Variants in COA7 observed in about 807,000 individuals in gnomAD.
COA7 encodes cytochrome c oxidase assembly factor 7.
COA7 carries 12 observed loss-of-function variants against 21.0 expected under a neutral mutation model. The observed-to-expected ratio is 0.57, with a 90% CI of 0.37 to 0.92. The LOEUF (loss-of-function observed/expected upper bound fraction) is 0.92, where lower values mean the gene tolerates loss of function less well. Ranked by LOEUF, COA7 falls within the 40% of genes least tolerant of loss-of-function variation. The pLI is 0.01. For synonymous variants in COA7, 95 were observed against 107.4 expected (o/e 0.88, Z 0.72); for missense variants, 240 against 286.1 (o/e 0.84, Z 1.16).
At chr1:52,697,295 T>C (rs969495354) in intron 1 of COA7, among the ~76,000 whole-genome samples, 7 of 152,134 alleles carry the variant, frequency 4.6e-5, no homozygotes, top group African/African-American at 9.7e-5. Flanking sequence ...CCAAAGGTAT[T>C]AGCTGCTCTG....
At chr1:52,697,519 C>CT (rs1218661712) in intron 1 of COA7, among the ~76,000 whole-genome samples, 1 of 152,208 alleles carries the variant, frequency 6.6e-6, no homozygotes, top group African/African-American at 2.4e-5. Flanking sequence ...AACTGCCCTC[C>CT]TGCCCTCCTG....
At chr1:52,690,837 C>A (rs532666387) in intron 2 of COA7, among the ~76,000 whole-genome samples, 1 of 152,088 alleles carries the variant, frequency 6.6e-6, no homozygotes, top group Non-Finnish European at 1.5e-5. Context: ...GGGCCAGGCA[C>A]GGTGGCTCAC....
chr1:52,687,318 T>G lies in COA7; in HGVS notation c.*402A>C. 1 of 186,250 alleles carries G rather than the reference T, an allele frequency of 5.4e-6. No homozygotes were observed. The highest frequency in any genetic ancestry group is 1.1e-5 in the Non-Finnish European group (1 of 88,066). The allele number at this position is 186,250 out of a possible 1,614,324, so 11.5% of individuals were successfully genotyped here. A position where few individuals can be genotyped will look rare whatever the true frequency, so the allele number is the denominator to read the frequency against. ...ATGAAAATGATGACAGCTGATTCCT[T>G]TAGGCCCCGGGGCTGCTAATTTTTC... is the stretch of plus-strand genomic sequence containing the variant. On this transcript the variant is annotated 3_prime_UTR_variant, in exon 3 of 3. Transcript: ENST00000371538.
In COA7 at chr1:52,686,355, A is replaced by G. The variant is rs961422847; in HGVS notation, c.*1365T>C. ...CAGGACGGCTGCAAAACGGAAGCCTAAAACAGTAGATGGTGACAGAATGGT... is the reference window on the plus strand; with the variant it reads ...CAGGACGGCTGCAAAACGGAAGCCTGAAACAGTAGATGGTGACAGAATGGT... On this transcript the variant is annotated 3_prime_UTR_variant, in exon 3 of 3. Coordinates refer to ENST00000371538, the MANE Select transcript of COA7 (RefSeq NM_023077.3). 8 of 152,240 alleles carry G rather than the reference A, an allele frequency of 5.3e-5. No individual in the cohort carries two copies. The highest frequency in any genetic ancestry group is 1.9e-4 in the African/African-American group (8 of 41,454). The allele number at this position is 152,240 out of a possible 1,614,324, so 9.4% of individuals were successfully genotyped here.
chr1:52,687,841 C>T lies in COA7; in HGVS notation c.575G>A (p.Arg192His), dbSNP rs750797614. 9 of 1,614,126 alleles carry T rather than the reference C, an allele frequency of 5.6e-6. No homozygotes were observed. The highest frequency in any genetic ancestry group is 1.3e-5 in the African/African-American group (1 of 74,948). The change falls in exon 3 of 3, where the codon CGC (arginine) becomes CAC (histidine). Residue 192 changes from arginine to histidine, a missense_variant. By Grantham distance (29) the Arg-to-His change is conservative. Transcript: ENST00000371538. ...GHIWACANAS[R>H]MYKLGDGVDK... Reference sequence around the variant, plus strand: ...AACACCATCCCCCAGCTTGTACATGCGACTGGCATTGGCACAGGCCCAGAT... The same window carrying T: ...AACACCATCCCCCAGCTTGTACATGTGACTGGCATTGGCACAGGCCCAGAT...
At chr1:52,691,478 T>G (rs946386427) in intron 2 of COA7, among the ~76,000 whole-genome samples, 45 of 150,732 alleles carry the variant, frequency 3.0e-4, no homozygotes, top group African/African-American at 1.1e-3. Context: ...GTGTTTTTTT[T>G]TTTTTTTTTG....
At chr1:52,693,330 C>G (rs1358406856) in intron 1 of COA7, among the ~76,000 whole-genome samples, 1 of 151,970 alleles carries the variant, frequency 6.6e-6, no homozygotes, top group Non-Finnish European at 1.5e-5. Flanking sequence ...GTAATCCCAG[C>G]ACTTGGGGAG....
intron 2 of COA7, among the ~76,000 whole-genome samples, chr1:52,690,117 G>A (rs1644034218): frequency 1.3e-5 from 2 of 151,486 alleles, no homozygotes; most frequent in Non-Finnish European, 2.9e-5. Flanking sequence ...CAAGCAAGCA[G>A]GGACCAGATC....
At chr1:52,690,962 C>T (rs1050619301) in intron 2 of COA7, among the ~76,000 whole-genome samples, 1 of 152,008 alleles carries the variant, frequency 6.6e-6, no homozygotes, top group African/African-American at 2.4e-5. Context: ...CAAAAATTAG[C>T]TGGGTGGTAG....
intron 1 of COA7, chr1:52,697,914 G>A (rs545798505): frequency 5.0e-4 from 171 of 341,552 alleles, no homozygotes; most frequent in African/African-American, 3.3e-3. Context: ...ATTACCTGAG[G>A]CTTATTGCCC....
Position 52,694,353 on chromosome 1 carries a change from C to T in COA7, c.107-1486G>A, listed in dbSNP as rs141869273. On this transcript the variant is annotated intron_variant, in intron 1 of 2. Coordinates refer to ENST00000371538, the MANE Select transcript of COA7 (RefSeq NM_023077.3). ...GCGCATGCCTATAATCCCAGCTACT[C>T]GGGAGGCTGAGGCAGAGAATCACTT... is the stretch of plus-strand genomic sequence containing the variant. 2.5e-3 allele frequency among the ~76,000 whole-genome samples: 378 copies of T among 150,384 alleles called. 2 individuals are homozygous for T. The highest frequency in any genetic ancestry group is 8.9e-3 in the African/African-American group (361 of 40,790).
At position 52,688,244 on chromosome 1, in the gene COA7, A is replaced by AT. The variant is rs375971356; in HGVS notation, c.248-77dup. 111,121 of 953,862 alleles carry AT rather than the reference A, an allele frequency of 0.12. 156 individuals carry two copies. Among genetic ancestry groups the AT allele is most frequent in the African/African-American group, 0.13 (7,260 of 57,862 alleles). 59.1% of individuals were successfully genotyped at this position (953,862 alleles called of 1,614,324 possible). ...AAATGTCTCAGGCCAAAGTCAGTGA[A>AT]TTTTTTTTTTTTTTTTGGAGAAAGG... is the stretch of plus-strand genomic sequence containing the variant. On this transcript the variant is annotated intron_variant, in intron 2 of 2. Coordinates refer to ENST00000371538, the MANE Select transcript of COA7 (RefSeq NM_023077.3).
intron 1 of COA7, among the ~76,000 whole-genome samples, chr1:52,693,272 T>C (rs745433436): frequency 1.3e-5 from 2 of 152,098 alleles, no homozygotes; most frequent in Non-Finnish European, 2.9e-5. Flanking sequence ...GGCTAGTCTT[T>C]GTAGCAGCAA....
intron 2 of COA7, among the ~76,000 whole-genome samples, chr1:52,690,533 A>G (rs1204629080): frequency 6.6e-6 from 1 of 152,134 alleles, no homozygotes; most frequent in East Asian, 1.9e-4. Context: ...AACTGAAGTG[A>G]AACTAAGGAA....
At chr1:52,695,798 T>C (rs1242836288) in intron 1 of COA7, among the ~76,000 whole-genome samples, 1 of 152,122 alleles carries the variant, frequency 6.6e-6, no homozygotes, top group Non-Finnish European at 1.5e-5. Context: ...CTACGGTAAC[T>C]ATAGCCTCTT....
Position 52,687,968 on chromosome 1 carries a change from A to C in COA7, c.448T>G (p.Cys150Gly), listed in dbSNP as rs1163899871. 6.2e-7 allele frequency: 1 copy of C among 1,614,208 alleles called. No homozygotes were observed. ...RACDGGYTSS[C>G]FNLSAMFLQG... Reference sequence around the variant, plus strand: ...AGGAACATGGCACTGAGGTTGAAGCAACTGGAAGTATAGCCACCATCACAG... The same window carrying C: ...AGGAACATGGCACTGAGGTTGAAGCCACTGGAAGTATAGCCACCATCACAG... Residue 150 changes from cysteine to glycine, a missense_variant, in exon 3 of 3, where the codon TGC (cysteine) becomes GGC (glycine). Coordinates refer to ENST00000371538, the MANE Select transcript of COA7 (RefSeq NM_023077.3).
rs1046819137 is a variant in COA7, at chr1:52,686,735, A to T, written c.*985T>A. 3 of 152,336 alleles carry T rather than the reference A, an allele frequency of 2.0e-5. No individual in the cohort carries two copies. The highest frequency in any genetic ancestry group is 4.4e-5 in the Non-Finnish European group (3 of 68,136). 9.4% of individuals were successfully genotyped at this position (152,336 alleles called of 1,614,324 possible). A position where few individuals can be genotyped will look rare whatever the true frequency, so the allele number is the denominator to read the frequency against. The stretch of plus-strand genomic sequence containing the variant: ...AGTGCTGGGGTTACAGGCGTGAGCC[A>T]CCGTGCCCGGCCACAAATGTTCTTA... On this transcript the variant is annotated 3_prime_UTR_variant, in exon 3 of 3. Transcript: ENST00000371538.
Position 52,688,188 on chromosome 1 carries a change from G to A in COA7, c.248-20C>T, listed in dbSNP as rs765730547. 1.5e-5 allele frequency: 24 copies of A among 1,592,334 alleles called. No homozygotes were observed. The highest frequency in any genetic ancestry group is 2.0e-5 in the Non-Finnish European group (23 of 1,173,218). On this transcript the variant is annotated intron_variant, in intron 2 of 2. Transcript: ENST00000371538. ...GACCACCTGAGAGGAAGGAAAGTAGGAAAAAATAAACCCAAGCCAGGGCAC... is the reference window on the plus strand; with the variant it reads ...GACCACCTGAGAGGAAGGAAAGTAGAAAAAAATAAACCCAAGCCAGGGCAC...
At chr1:52,688,776 C>CT (rs928286222) in intron 2 of COA7, among the ~76,000 whole-genome samples, 3 of 152,162 alleles carry the variant, frequency 2.0e-5, no homozygotes, top group African/African-American at 7.2e-5. Context: ...GCCGTAGAAT[C>CT]TTTTATTCAG....
Sources: gnomAD v4.1 joint callset for allele counts (sites outside exome capture counted in the v4.1 genomes callset) on GRCh38, gnomAD v4.1.1 for gene constraint, MANE v1.5 for transcripts, NCBI Gene and HGNC (gene_info 2026-07-23, HGNC 2026-07-21) for gene names.